Variants in DNAI2 observed in about 807,000 individuals in gnomAD.
DNAI2 encodes the protein dynein axonemal intermediate chain 2.
A neutral mutation model predicts 74.7 loss-of-function variants in DNAI2; 63 were observed. The ratio of observed to expected loss-of-function variants is 0.84; its 90% CI spans 0.69 to 1.04. The LOEUF is 1.04. Among genes scored for constraint, DNAI2 ranks in the 50% least tolerant of loss-of-function variants. The probability of loss-of-function intolerance (pLI) is 0.00; values close to 1 mark genes in which losing one functional copy is unlikely to be tolerated. For missense variants in DNAI2, 688 were observed against 803.2 expected, an observed-to-expected ratio of 0.86 and a Z score of 1.73; for synonymous variants, 289 against 314.9, an observed-to-expected ratio of 0.92 and a Z score of 0.87.
intron 9 of DNAI2, among the ~76,000 whole-genome samples, chr17:74,306,186 C>T (rs1478248814): frequency 6.6e-6 from 1 of 152,254 alleles, no homozygotes; most frequent in Non-Finnish European, 1.5e-5. Flanking sequence ...GAGGCATAGC[C>T]TGTCTTGCTC....
In DNAI2 at chr17:74,281,814, C is replaced by T. The variant is rs757989808; in HGVS notation, c.-4C>T. 7 of 1,613,622 alleles carry T rather than the reference C, an allele frequency of 4.3e-6. No individual in the cohort carries two copies. In the South Asian group the frequency reaches 5.5e-5, roughly 13 times the overall value. On this transcript the variant is annotated 5_prime_UTR_variant, in exon 2 of 14. Transcript: ENST00000311014. ...CCTCCCTCTGCCCCCCAGCAGCCGG[C>T]ACCATGGAGATTGTGTACGTGTACG...
chr17:74,292,257 G>T (rs889003727), intron 6 of DNAI2, among the ~76,000 whole-genome samples: 2 of 152,120 alleles, frequency 1.3e-5, no homozygotes, highest in African/African-American at 4.8e-5. Flanking sequence ...TTACAATTCA[G>T]TCTGTTTATT....
chr17:74,299,751 C>A lies in DNAI2; in HGVS notation c.758C>A (p.Ala253Glu). The change falls in exon 7 of 14, where the codon GCG becomes GAG. Residue 253 changes from alanine to glutamate, a missense_variant. By Grantham distance (107) the Ala-to-Glu change is moderately radical. Transcript: ENST00000311014. ...CWDTRKGSLV[A>E]ELSTIESSHR... The stretch of plus-strand genomic sequence containing the variant: ...GACACCCGAAAGGGCAGCCTGGTGG[C>A]GGAGCTATCCACCATTGAGTCCAGC... 2 of 1,613,366 alleles carry A rather than the reference C, an allele frequency of 1.2e-6. No homozygotes were observed. Among genetic ancestry groups the A allele is most frequent in the Non-Finnish European group, 1.7e-6 (2 of 1,180,004 alleles).
chr17:74,307,571 A>C (rs1020743299), intron 9 of DNAI2, among the ~76,000 whole-genome samples: 8 of 152,106 alleles, frequency 5.3e-5, no homozygotes, highest in Non-Finnish European at 1.5e-5. Context: ...TGGGAGGCCG[A>C]GGCGGGTGGA....
At chr17:74,304,190 T>C (rs2053045038) in intron 8 of DNAI2, among the ~76,000 whole-genome samples, 1 of 112,244 alleles carries the variant, frequency 8.9e-6, no homozygotes, top group African/African-American at 4.9e-5. Context: ...TTTTTTCTTT[T>C]TTTTTTTTTT....
intron 1 of DNAI2, among the ~76,000 whole-genome samples, chr17:74,280,995 G>C (rs951501466): frequency 1.3e-5 from 2 of 150,144 alleles, no homozygotes; most frequent in Non-Finnish European, 3.0e-5. Context: ...GGCTGAGGTG[G>C]GAGGATCACT....
intron 4 of DNAI2, among the ~76,000 whole-genome samples, chr17:74,287,632 A>C (rs893454650): frequency 2.0e-5 from 3 of 152,238 alleles, no homozygotes; most frequent in Non-Finnish European, 4.4e-5. Context: ...TGGCACACCC[A>C]CACGACGGAA....
chr17:74,299,774 A>G lies in DNAI2; in HGVS notation c.781A>G (p.Ser261Gly), dbSNP rs1340319164. ...LVAELSTIES[S>G]HRDPVYGTIW... is the part of the protein sequence containing the mutation. ...GGCGGAGCTATCCACCATTGAGTCC[A>G]GCCACCGAGACCCTGTGTATGGCAC... The change falls in exon 7 of 14, where the codon AGC becomes GGC. Residue 261 changes from serine (S) to glycine (G), a missense_variant. Transcript: ENST00000311014. 4 of 1,610,670 alleles carry G rather than the reference A, an allele frequency of 2.5e-6. No homozygotes were observed. The highest frequency in any genetic ancestry group is 2.2e-5 in the East Asian group (1 of 44,728).
At position 74,314,638 on chromosome 17, in the gene DNAI2, A is replaced by ACATCCCAGG; in HGVS notation, c.*105_*106insCATCCCAGG. The ACATCCCAGG allele has an allele frequency of 1.9e-5, 4 of 206,384 alleles. No homozygotes were observed. The highest frequency in any genetic ancestry group is 7.5e-5 in the South Asian group (1 of 13,328). The allele number at this position is 206,384 out of a possible 1,614,324, so 12.8% of individuals were successfully genotyped here. ...ATGGCAGGGCCTCGGGAAGACCTTCAGGAGTGGGGAAGGGTTTCTCCTCCA... is the reference window on the plus strand; with the variant it reads ...ATGGCAGGGCCTCGGGAAGACCTTCACATCCCAGGGGAGTGGGGAAGGGTTTCTCCTCCA... On this transcript the variant is annotated 3_prime_UTR_variant, in exon 14 of 14. Transcript: ENST00000311014.
chr17:74,277,643 A>G (rs932188954), intron 1 of DNAI2, among the ~76,000 whole-genome samples: 5 of 152,204 alleles, frequency 3.3e-5, no homozygotes, highest in Non-Finnish European at 4.4e-5. Flanking sequence ...CTCAGGGGCC[A>G]GCGGCCAGGA....
At chr17:74,288,535 G>C (rs1194245678) in intron 4 of DNAI2, among the ~76,000 whole-genome samples, 1 of 152,154 alleles carries the variant, frequency 6.6e-6, no homozygotes, top group Admixed American at 6.6e-5. Context: ...CTGGCATCCG[G>C]AACTGTGATA....
intron 8 of DNAI2, among the ~76,000 whole-genome samples, chr17:74,304,368 C>T (rs2053061400): frequency 6.6e-6 from 1 of 151,476 alleles, no homozygotes; most frequent in South Asian, 2.1e-4. Context: ...CCTCAGTGTG[C>T]CCCTCCCCTA....
chr17:74,290,922 A>T, intron 5 of DNAI2, 98 bp from the exon 6 acceptor site: 1 of 1,042,328 alleles, frequency 9.6e-7, no homozygotes, highest in Non-Finnish European at 1.5e-6. Flanking sequence ...CCCCTCTGCC[A>T]CCATGCCCCC....
chr17:74,297,790 A>G (rs1001615233), intron 6 of DNAI2, among the ~76,000 whole-genome samples: 1 of 151,812 alleles, frequency 6.6e-6, no homozygotes, highest in African/African-American at 2.4e-5. Flanking sequence ...GAGTCGCCAG[A>G]CACCCAACCC....
At chr17:74,309,696 G>A (rs1456175166) in intron 10 of DNAI2, 2 of 644,992 alleles carry the variant, frequency 3.1e-6, no homozygotes, top group African/African-American at 1.8e-5. Context: ...GAGCCCCTGG[G>A]GTTTGGCTGC....
intron 1 of DNAI2, among the ~76,000 whole-genome samples, chr17:74,274,650 C>T (rs1368448463): frequency 6.6e-6 from 1 of 151,994 alleles, no homozygotes; most frequent in African/African-American, 2.4e-5. Context: ...GACTGGAGAC[C>T]TCTGAAGGAT....
At chr17:74,298,673 GCTCA>G (rs1462122685) in intron 6 of DNAI2, among the ~76,000 whole-genome samples, 1 of 152,226 alleles carries the variant, frequency 6.6e-6, no homozygotes, top group African/African-American at 2.4e-5. Flanking sequence ...CACGATCATG[GCTCA>G]CTGCAGCCTC....
At chr17:74,299,322 G>A (rs142798398) in intron 6 of DNAI2, among the ~76,000 whole-genome samples, 8 of 152,150 alleles carry the variant, frequency 5.3e-5, no homozygotes, top group Middle Eastern at 3.4e-3. Context: ...TTAGGGACTC[G>A]GCTCTCCTCT....
At chr17:74,276,939 C>T (rs186573068) in intron 1 of DNAI2, among the ~76,000 whole-genome samples, 107 of 152,272 alleles carry the variant, frequency 7.0e-4, no homozygotes, top group Middle Eastern at 6.8e-3. Flanking sequence ...GAGGATGCCA[C>T]GGGATTTGCA....
Sources: gnomAD v4.1 joint callset for allele counts (sites outside exome capture counted in the v4.1 genomes callset) on GRCh38, gnomAD v4.1.1 for gene constraint, MANE v1.5 for transcripts, NCBI Gene and HGNC (gene_info 2026-07-23, HGNC 2026-07-21) for gene names.